Variants in BRINP3 observed in about 807,000 individuals in gnomAD.
BRINP3 encodes BMP/retinoic acid-inducible neural-specific protein 3.
BRINP3 carries 19 observed loss-of-function variants against 71.0 expected under a neutral mutation model. The observed-to-expected ratio is 0.27, with a 90% CI of 0.19 to 0.39. The LOEUF (loss-of-function observed/expected upper bound fraction) is 0.39, where lower values mean the gene tolerates loss of function less well. Among genes scored for constraint, BRINP3 ranks in the 10% least tolerant of loss-of-function variants. The probability of loss-of-function intolerance (pLI) is 1.00; values close to 1 mark genes in which losing one functional copy is unlikely to be tolerated. For missense variants in BRINP3, 959 were observed against 940.8 expected, an observed-to-expected ratio of 1.02 and a Z score of -0.25; for synonymous variants, 380 against 337.7, an observed-to-expected ratio of 1.13 and a Z score of -1.37.
At chr1:190,288,053 C>T (rs1663570091) in intron 2 of BRINP3, among the ~76,000 whole-genome samples, 1 of 151,920 alleles carries the variant, frequency 6.6e-6, no homozygotes, top group Non-Finnish European at 1.5e-5. Flanking sequence ...TCTGTAAAAA[C>T]ATACAAACAT....
chr1:190,298,952 A>G (rs1022380839), intron 2 of BRINP3, among the ~76,000 whole-genome samples: 1 of 152,146 alleles, frequency 6.6e-6, no homozygotes, highest in African/African-American at 2.4e-5. Flanking sequence ...CTTCAATTCT[A>G]TTAAATTTTG....
chr1:190,344,776 C>T (rs939819154), intron 2 of BRINP3, among the ~76,000 whole-genome samples: 7 of 151,742 alleles, frequency 4.6e-5, no homozygotes, highest in Non-Finnish European at 8.9e-5. Flanking sequence ...TAGTGGTAGA[C>T]ACAGTATTAA....
intron 4 of BRINP3, among the ~76,000 whole-genome samples, chr1:190,260,750 G>A (rs1230106968): frequency 6.6e-6 from 1 of 151,994 alleles, no homozygotes; most frequent in Non-Finnish European, 1.5e-5. Context: ...TAGCTCTAGT[G>A]CCTTTTCAAC....
At chr1:190,345,760 C>G (rs1571814217) in intron 2 of BRINP3, among the ~76,000 whole-genome samples, 2 of 149,260 alleles carry the variant, frequency 1.3e-5, no homozygotes, top group African/African-American at 4.9e-5. Flanking sequence ...GGTGGAACTC[C>G]TTATTAATTG....
chr1:190,327,354 A>C (rs1386767895), intron 2 of BRINP3, among the ~76,000 whole-genome samples: 1 of 135,892 alleles, frequency 7.4e-6, no homozygotes, highest in African/African-American at 2.7e-5. Context: ...AAAAAAAGGA[A>C]AAAAAAAAAA....
intron 2 of BRINP3, among the ~76,000 whole-genome samples, chr1:190,293,159 T>C (rs12072690): frequency 0.14 from 21,490 of 152,052 alleles, 1,985 homozygotes; most frequent in South Asian, 0.26. Context: ...TAGGCATTTA[T>C]TGTGATATTC....
At chr1:190,133,632 T>G (rs184765568) in intron 7 of BRINP3, among the ~76,000 whole-genome samples, 1 of 152,208 alleles carries the variant, frequency 6.6e-6, no homozygotes, top group East Asian at 1.9e-4. Flanking sequence ...GGATGCATCT[T>G]AAAAACATAC....
intron 3 of BRINP3, among the ~76,000 whole-genome samples, chr1:190,269,200 T>G (rs1661899935): frequency 6.6e-6 from 1 of 152,084 alleles, no homozygotes. Flanking sequence ...TAGTAATTCC[T>G]TGGGAAAAGA....
chr1:190,369,202 C>A (rs898846550), intron 2 of BRINP3, among the ~76,000 whole-genome samples: 1 of 152,020 alleles, frequency 6.6e-6, no homozygotes, highest in African/African-American at 2.4e-5. Context: ...GATTAAATAT[C>A]TTTTGTTGTT....
At chr1:190,101,939 A>G (rs1322690011) in intron 7 of BRINP3, among the ~76,000 whole-genome samples, 2 of 152,144 alleles carry the variant, frequency 1.3e-5, no homozygotes, top group Non-Finnish European at 2.9e-5. Context: ...TATGGAAGGA[A>G]AGCGTTTCGG....
chr1:190,183,310 AT>A (rs1460966304), intron 6 of BRINP3, among the ~76,000 whole-genome samples: 4 of 151,988 alleles, frequency 2.6e-5, no homozygotes, highest in African/African-American at 4.8e-5. Flanking sequence ...AAATTTGGGA[AT>A]TTAAATTTTA....
At position 190,222,607 on chromosome 1, in the gene BRINP3, G is replaced by T. The variant is rs12751765; in HGVS notation, c.961+3475C>A. ...CATAAGATCAACAAAAGGAAAAGCT[G>T]CATGTTTGAAAAGATATTAACAAAC... On this transcript the variant is annotated intron_variant, in intron 6 of 7. Coordinates refer to ENST00000367462, the MANE Select transcript of BRINP3 (RefSeq NM_199051.3). 3.3e-5 allele frequency among the ~76,000 whole-genome samples: 5 copies of T among 151,670 alleles called. No homozygotes were observed. The East Asian group carries it at 9.7e-4, about 29-fold the overall frequency.
At position 190,288,376 on chromosome 1, in the gene BRINP3, T is replaced by G. The variant is rs1030679889; in HGVS notation, c.237-6626A>C. Among the ~76,000 whole-genome samples the G allele has an allele frequency of 2.0e-5, 3 of 152,094 alleles. No homozygotes were observed. In the South Asian group the frequency reaches 6.2e-4, roughly 32 times the overall value. On this transcript the variant is annotated intron_variant, in intron 2 of 7. Transcript: ENST00000367462. ...ATACTTACAGAAGTAATTCATTATC[T>G]TCATTAATAGATATAAATATTTGCA...
intron 1 of BRINP3, among the ~76,000 whole-genome samples, chr1:190,475,059 G>A (rs1434206084): frequency 2.6e-5 from 4 of 152,052 alleles, no homozygotes; most frequent in African/African-American, 9.7e-5. Flanking sequence ...CTAGCTTCAA[G>A]TTGAAATCTA....
At chr1:190,255,573 G>T (rs929598246) in intron 4 of BRINP3, among the ~76,000 whole-genome samples, 3 of 152,088 alleles carry the variant, frequency 2.0e-5, no homozygotes, top group Non-Finnish European at 2.9e-5. Flanking sequence ...TTTGTGTAGA[G>T]GTGTTTATAG....
intron 1 of BRINP3, among the ~76,000 whole-genome samples, chr1:190,462,834 A>G (rs1676485088): frequency 6.6e-6 from 1 of 152,070 alleles, no homozygotes; most frequent in South Asian, 2.1e-4. Flanking sequence ...TTTTGAGGTC[A>G]CCTTTGCATA....
chr1:190,183,579 G>A (rs1653234736), intron 6 of BRINP3, among the ~76,000 whole-genome samples: 2 of 152,098 alleles, frequency 1.3e-5, no homozygotes, highest in Non-Finnish European at 2.9e-5. Context: ...TTCCCATGAG[G>A]TTTTTGCTGA....
At chr1:190,456,724 T>A (rs575806814) in intron 1 of BRINP3, among the ~76,000 whole-genome samples, 2 of 152,184 alleles carry the variant, frequency 1.3e-5, no homozygotes, top group Non-Finnish European at 2.9e-5. Flanking sequence ...ATTTTTATTT[T>A]GCTTATCATA....
intron 7 of BRINP3, among the ~76,000 whole-genome samples, chr1:190,118,170 A>G (rs926182502): frequency 3.9e-5 from 6 of 152,010 alleles, no homozygotes; most frequent in Non-Finnish European, 5.9e-5. Context: ...TCTGATTTCA[A>G]ATAAAGCTCT....
Sources: gnomAD v4.1 joint callset for allele counts (sites outside exome capture counted in the v4.1 genomes callset) on GRCh38, gnomAD v4.1.1 for gene constraint, MANE v1.5 for transcripts, NCBI Gene and HGNC (gene_info 2026-07-23, HGNC 2026-07-21) for gene names.